The following RAD51B variants were observed in gnomAD, a reference collection of about 807,000 sequenced individuals.
RAD51B encodes the protein RAD51 paralog B.
In RAD51B, 38 loss-of-function variants were observed where a neutral mutation model predicts 42.2. That is an observed-to-expected ratio of 0.90 (90% CI 0.70 to 1.18). RAD51B has a LOEUF of 1.18. Ranked by LOEUF, RAD51B falls within the 50% of genes most tolerant of loss-of-function variation. The pLI is 0.00. For synonymous variants in RAD51B, 154 were observed against 145.2 expected (o/e 1.06, Z -0.43); for missense variants, 373 against 400.7 (o/e 0.93, Z 0.59).
chr14:68,334,805 G>GTGATATATAGGATAGATATATATTTTA (rs2082413060), intron 8 of RAD51B, among the ~76,000 whole-genome samples: 3 of 149,948 alleles, frequency 2.0e-5, no homozygotes, highest in African/African-American at 5.0e-5. Context: ...GATATATCAT[G>GTGATATATAGGATAGATATATATTTTA]TGATATATAG....
At chr14:68,255,080 C>T (rs2080724530) in intron 7 of RAD51B, among the ~76,000 whole-genome samples, 3 of 151,906 alleles carry the variant, frequency 2.0e-5, no homozygotes, top group Admixed American at 2.0e-4. Context: ...CACATGCTCC[C>T]TTTTTTTTCT....
At position 68,428,455 on chromosome 14, in the gene RAD51B, A is replaced by G. The variant is rs2084906097; in HGVS notation, c.957+16928A>G. On this transcript the variant is annotated intron_variant, in intron 9 of 10. Coordinates refer to ENST00000471583, the MANE Select transcript of RAD51B (RefSeq NM_133510.4). The stretch of plus-strand genomic sequence containing the variant: ...CCTTATTAACTGTATGCACATTGTC[A>G]TACAGCAGATGTCTGGAACTTATTC... Among the ~76,000 whole-genome samples the G allele has an allele frequency of 2.0e-5, 3 of 152,068 alleles. No individual in the cohort carries two copies. In the South Asian group the frequency reaches 6.2e-4, roughly 31 times the overall value.
intron 2 of RAD51B, among the ~76,000 whole-genome samples, chr14:67,823,834 A>G (rs1171106174): frequency 1.3e-5 from 2 of 152,108 alleles, no homozygotes; most frequent in Non-Finnish European, 2.9e-5. Flanking sequence ...GTATTTTTGC[A>G]TTTTGAGGGG....
chr14:67,966,700 T>C (rs2140241433), intron 7 of RAD51B, among the ~76,000 whole-genome samples: 1 of 152,330 alleles, frequency 6.6e-6, no homozygotes, highest in South Asian at 2.1e-4. Flanking sequence ...TGTGTTTGTA[T>C]GTGTACGTGT....
intron 8 of RAD51B, among the ~76,000 whole-genome samples, chr14:68,394,437 TG>T (rs1258383998): frequency 2.0e-5 from 3 of 152,186 alleles, no homozygotes; most frequent in African/African-American, 7.2e-5. Context: ...TGAACCTCTT[TG>T]GGGGCTGACT....
chr14:68,588,348 C>T (rs373420598), intron 10 of RAD51B, among the ~76,000 whole-genome samples: 1 of 152,168 alleles, frequency 6.6e-6, no homozygotes, highest in East Asian at 1.9e-4. Flanking sequence ...CCTTTATTTC[C>T]CCAAGGCAAC....
At chr14:67,899,044 C>T (rs890863198) in intron 7 of RAD51B, among the ~76,000 whole-genome samples, 28 of 151,458 alleles carry the variant, frequency 1.8e-4, no homozygotes, top group Non-Finnish European at 3.0e-4. Context: ...AATTTAGATT[C>T]TTTTTTTTCT....
At chr14:68,505,805 G>T (rs928653890) in intron 10 of RAD51B, among the ~76,000 whole-genome samples, 2 of 152,072 alleles carry the variant, frequency 1.3e-5, no homozygotes, top group African/African-American at 4.8e-5. Context: ...CGCCCGCCTC[G>T]GCCTCCCAAA....
intron 9 of RAD51B, among the ~76,000 whole-genome samples, chr14:68,426,373 G>T (rs764305922): frequency 1.3e-5 from 2 of 152,102 alleles, no homozygotes; most frequent in Non-Finnish European, 2.9e-5. Context: ...ACCGGGCCTG[G>T]TCAGTAAAGG....
intron 10 of RAD51B, among the ~76,000 whole-genome samples, chr14:68,574,010 A>G (rs191194801): frequency 1.0e-4 from 14 of 138,018 alleles, no homozygotes; most frequent in African/African-American, 3.4e-4. Flanking sequence ...GTGTGTGCTC[A>G]CTCACATGTT....
intron 11 of RAD51B, among the ~76,000 whole-genome samples, chr14:68,662,136 A>ACCTCC (rs1251417250): frequency 5.9e-5 from 9 of 152,084 alleles, no homozygotes; most frequent in Non-Finnish European, 8.8e-5. Context: ...CAGGAGAAAT[A>ACCTCC]CCTCCCTCAT....
chr14:67,834,940 A>C, intron 3 of RAD51B, 140 bp from the exon 4 acceptor site: 1 of 639,384 alleles, frequency 1.6e-6, no homozygotes, highest in Admixed American at 2.8e-5. Context: ...CACAGAGTAA[A>C]TATTTGTTGA....
At chr14:67,970,713 A>G (rs1166974689) in intron 7 of RAD51B, among the ~76,000 whole-genome samples, 3 of 152,230 alleles carry the variant, frequency 2.0e-5, no homozygotes, top group Middle Eastern at 6.8e-3. Context: ...TTAGGAAAAC[A>G]TGTAACAGAT....
intron 10 of RAD51B, among the ~76,000 whole-genome samples, chr14:68,604,982 C>T (rs1294169674): frequency 1.3e-5 from 2 of 152,332 alleles, no homozygotes; most frequent in Non-Finnish European, 2.9e-5. Flanking sequence ...CTGCTGGCAT[C>T]AAGCCAGCAA....
At chr14:67,992,617 A>G (rs898670278) in intron 7 of RAD51B, among the ~76,000 whole-genome samples, 2 of 152,202 alleles carry the variant, frequency 1.3e-5, no homozygotes, top group Non-Finnish European at 2.9e-5. Flanking sequence ...TTGACCATAA[A>G]TTGATAAACA....
intron 10 of RAD51B, among the ~76,000 whole-genome samples, chr14:68,639,803 T>G (rs1312402093): frequency 6.6e-6 from 1 of 152,148 alleles, no homozygotes; most frequent in African/African-American, 2.4e-5. Context: ...GTTTTTTGTT[T>G]TTTTGAGTCA....
chr14:67,862,413 T>C (rs1266351425), intron 4 of RAD51B, among the ~76,000 whole-genome samples: 1 of 149,476 alleles, frequency 6.7e-6, no homozygotes, highest in South Asian at 2.1e-4. Context: ...ACTAAATAAA[T>C]GTAAGCAAAA....
intron 10 of RAD51B, chr14:68,540,207 A>T: frequency 4.3e-6 from 3 of 690,770 alleles, no homozygotes; most frequent in Non-Finnish European, 5.3e-6. Context: ...CAGGATCTAG[A>T]GAATTCAAAT....
At chr14:68,611,392 A>G (rs891036344) in exon 11 of RAD51B, 1 of 621,704 alleles carries the variant, frequency 1.6e-6, no homozygotes, top group African/African-American at 1.8e-5. Context: ...CTCCAGTGAA[A>G]AAGTTCTTCT....
Sources: allele counts gnomAD v4.1 joint callset (sites outside exome capture counted in the v4.1 genomes callset), GRCh38; gene constraint gnomAD v4.1.1; transcripts MANE v1.5; gene names NCBI Gene and HGNC (gene_info 2026-07-23, HGNC 2026-07-21).